The following SULF1 variants were observed in gnomAD, a reference collection of about 807,000 sequenced individuals.
SULF1 encodes sulfatase 1.
In SULF1, 46 loss-of-function variants were observed where a neutral mutation model predicts 110.5. The ratio of observed to expected loss-of-function variants is 0.42; its 90% CI spans 0.33 to 0.53. The LOEUF (loss-of-function observed/expected upper bound fraction) is 0.53, where lower values mean the gene tolerates loss of function less well. SULF1 is among the 20% of genes least tolerant of loss of function. SULF1 has a pLI of 0.12. For missense variants in SULF1, 941 were observed against 1,094.2 expected (o/e 0.86, Z 1.98); for synonymous variants, 371 against 387.1 (o/e 0.96, Z 0.49).
At chr8:69,647,459 G>T (rs1812007960) in intron 22 of SULF1, among the ~76,000 whole-genome samples, 1 of 151,844 alleles carries the variant, frequency 6.6e-6, no homozygotes. Context: ...ACATTAATTG[G>T]CTTTCATTTG....
intron 3 of SULF1, among the ~76,000 whole-genome samples, chr8:69,532,063 G>A (rs1348171208): frequency 6.6e-6 from 1 of 152,198 alleles, no homozygotes; most frequent in Non-Finnish European, 1.5e-5. Flanking sequence ...CAAGTGAGGG[G>A]TTAGGAAGCA....
At chr8:69,636,524 G>C (rs925071445) in intron 19 of SULF1, among the ~76,000 whole-genome samples, 2 of 150,648 alleles carry the variant, frequency 1.3e-5, no homozygotes, top group South Asian at 4.2e-4. Flanking sequence ...GCGACAGAGC[G>C]ATACTCCATC....
intron 1 of SULF1, among the ~76,000 whole-genome samples, chr8:69,494,188 ATTTGTAAGGCTTTATCATC>A (rs1372901618): frequency 6.6e-6 from 1 of 152,094 alleles, no homozygotes; most frequent in African/African-American, 2.4e-5. Context: ...GCTGTGATTC[ATTTGTAAGGCTTTATCATC>A]TTTACCTCTA....
At chr8:69,485,267 CTTTAG>C (rs1030107214) in intron 1 of SULF1, among the ~76,000 whole-genome samples, 5 of 152,338 alleles carry the variant, frequency 3.3e-5, no homozygotes, top group African/African-American at 9.6e-5. Flanking sequence ...GCCCTTCCCA[CTTTAG>C]TAATAGCATC....
At chr8:69,513,995 C>T (rs184602137) in intron 3 of SULF1, among the ~76,000 whole-genome samples, 217 of 152,322 alleles carry the variant, frequency 1.4e-3, no homozygotes, top group African/African-American at 4.9e-3. Context: ...AGCTGCATAA[C>T]TGACTGGTTG....
chr8:69,572,672 C>T (rs1286880907), intron 5 of SULF1, among the ~76,000 whole-genome samples: 2 of 152,158 alleles, frequency 1.3e-5, no homozygotes, highest in East Asian at 1.9e-4. Context: ...TCATTAGAAA[C>T]ACAAATTCTC....
At chr8:69,578,391 T>C (rs903679504) in intron 6 of SULF1, among the ~76,000 whole-genome samples, 7 of 152,116 alleles carry the variant, frequency 4.6e-5, no homozygotes, top group Non-Finnish European at 5.9e-5. Flanking sequence ...TTAGGGTACA[T>C]GTGCACAATG....
At chr8:69,551,556 G>A (rs140303010) in intron 3 of SULF1, among the ~76,000 whole-genome samples, 6 of 152,298 alleles carry the variant, frequency 3.9e-5, no homozygotes, top group East Asian at 3.9e-4. Flanking sequence ...AAGGGTGATC[G>A]TAAACAGTCC....
At chr8:69,518,315 A>G (rs1238755998) in intron 3 of SULF1, among the ~76,000 whole-genome samples, 2 of 152,122 alleles carry the variant, frequency 1.3e-5, no homozygotes, top group Non-Finnish European at 2.9e-5. Context: ...ATGCTCGAGC[A>G]TATTTGTAAT....
At chr8:69,582,528 T>C (rs1806147399) in intron 6 of SULF1, among the ~76,000 whole-genome samples, 1 of 152,146 alleles carries the variant, frequency 6.6e-6, no homozygotes, top group Non-Finnish European at 1.5e-5. Context: ...CCATTATTAT[T>C]ATCACCATAG....
At chr8:69,578,073 G>T (rs1437469168) in intron 6 of SULF1, among the ~76,000 whole-genome samples, 1 of 151,976 alleles carries the variant, frequency 6.6e-6, no homozygotes, top group East Asian at 1.9e-4. Context: ...TTAGAACTAA[G>T]CATCCAGATG....
chr8:69,532,272 A>G (rs1376207097), intron 3 of SULF1, among the ~76,000 whole-genome samples: 4 of 152,198 alleles, frequency 2.6e-5, no homozygotes, highest in Non-Finnish European at 4.4e-5. Flanking sequence ...AAGTCATTCT[A>G]TGTCTTAAAA....
At chr8:69,595,158 A>T (rs957835578) in intron 8 of SULF1, among the ~76,000 whole-genome samples, 1 of 152,230 alleles carries the variant, frequency 6.6e-6, no homozygotes, top group Admixed American at 6.5e-5. Flanking sequence ...TTTTAGATTA[A>T]AAAACAAAGA....
Position 69,563,922 on chromosome 8 carries a change from A to G in SULF1, c.-54A>G. ...TTTTTCTCTGACTGCCCAGAACTCC[A>G]GAAATCAGGAGACGGAGACATTTTG... On this transcript the variant is annotated 5_prime_UTR_variant, in exon 5 of 23. Coordinates refer to ENST00000402687, the MANE Select transcript of SULF1 (RefSeq NM_001128205.2). 3.2e-6 allele frequency: 5 copies of G among 1,579,156 alleles called. No homozygotes were observed. The highest frequency in any genetic ancestry group is 2.3e-5 in the East Asian group (1 of 44,444).
At chr8:69,484,976 C>CTACAGGTG (rs2150546912) in intron 1 of SULF1, among the ~76,000 whole-genome samples, 1 of 152,212 alleles carries the variant, frequency 6.6e-6, no homozygotes, top group Non-Finnish European at 1.5e-5. Context: ...GTATCTGGGA[C>CTACAGGTG]TACAGGTGCA....
chr8:69,554,199 G>A (rs1024855083), intron 3 of SULF1, among the ~76,000 whole-genome samples: 3 of 152,206 alleles, frequency 2.0e-5, no homozygotes, highest in African/African-American at 7.2e-5. Context: ...AGAGTAATGA[G>A]TGAGAAAATA....
intron 13 of SULF1, among the ~76,000 whole-genome samples, chr8:69,615,400 G>A (rs1182995751): frequency 1.3e-5 from 2 of 152,186 alleles, no homozygotes; most frequent in African/African-American, 4.8e-5. Flanking sequence ...GGCAATGTGT[G>A]ATAATTACAT....
chr8:69,586,586 T>G (rs1050579951), intron 7 of SULF1, 78 bp downstream of exon 7: 1 of 1,438,758 alleles, frequency 7.0e-7, no homozygotes, highest in Non-Finnish European at 9.4e-7. Flanking sequence ...TGAGTTAAAC[T>G]ATCCACAAGA....
rs1473178822 is a variant in SULF1 at position 69,495,756 on chromosome 8, C to T, written c.-390-9C>T. The T allele has an allele frequency of 6.6e-6, 1 of 152,218 alleles. No individual in the cohort carries two copies. Among genetic ancestry groups the T allele is most frequent in the Non-Finnish European group, 1.5e-5 (1 of 68,038 alleles). The allele number at this position is 152,218 out of a possible 1,614,324, so 9.4% of individuals were successfully genotyped here. A position where few individuals can be genotyped will look rare whatever the true frequency, so the allele number is the denominator to read the frequency against. On this transcript the variant is annotated splice_polypyrimidine_tract_variant and intron_variant, in intron 1 of 22. Coordinates refer to ENST00000402687, the MANE Select transcript of SULF1 (RefSeq NM_001128205.2). ...AATACTTATCAAAAACAAACCCTTT[C>T]CTTAACAGGGATTCTTCACTTCTCT...
Sources: gnomAD v4.1 joint callset for allele counts (sites outside exome capture counted in the v4.1 genomes callset) on GRCh38, gnomAD v4.1.1 for gene constraint, MANE v1.5 for transcripts, NCBI Gene and HGNC (gene_info 2026-07-23, HGNC 2026-07-21) for gene names.